The following GPR39 variants were observed in gnomAD, a reference collection of about 807,000 sequenced individuals.
GPR39 encodes the protein zinc sensing receptor.
In GPR39, 23 loss-of-function variants were observed where a neutral mutation model predicts 18.4. The observed-to-expected ratio is 1.25, with a 90% CI of 0.90 to 1.77. The LOEUF (loss-of-function observed/expected upper bound fraction) is 1.77. GPR39 is among the 40% of genes most tolerant of loss of function. The pLI is 0.00. For missense variants in GPR39, 647 were observed against 602.4 expected, an observed-to-expected ratio of 1.07 and a Z score of -0.78; for synonymous variants, 280 against 257.9, an observed-to-expected ratio of 1.09 and a Z score of -0.82.
chr2:132,645,079 C>T (rs1167711105), intron 1 of GPR39, 22 bp from the exon 2 acceptor site: 4 of 1,591,588 alleles, frequency 2.5e-6, no homozygotes, highest in Admixed American at 3.5e-5. Flanking sequence ...TCTGTCTCTC[C>T]CTCCTGCTCG....
chr2:132,639,295 G>A (rs1681818859), intron 1 of GPR39, among the ~76,000 whole-genome samples: 1 of 152,100 alleles, frequency 6.6e-6, no homozygotes, highest in Non-Finnish European at 1.5e-5. Context: ...GTGGGGAGGT[G>A]GAGATGTCTA....
chr2:132,542,502 CT>C (rs1558833384), intron 1 of GPR39, among the ~76,000 whole-genome samples: 1 of 152,158 alleles, frequency 6.6e-6, no homozygotes, highest in African/African-American at 2.4e-5. Flanking sequence ...TATTATGAGC[CT>C]GCTATGAAAA....
intron 1 of GPR39, among the ~76,000 whole-genome samples, chr2:132,486,686 AAG>A (rs1373257100): frequency 1.3e-5 from 2 of 152,240 alleles, no homozygotes; most frequent in African/African-American, 4.8e-5. Flanking sequence ...CATAGAATTA[AAG>A]AGAGTTAGAG....
chr2:132,490,383 C>G (rs1483695566), intron 1 of GPR39, among the ~76,000 whole-genome samples: 2 of 151,786 alleles, frequency 1.3e-5, no homozygotes, highest in African/African-American at 4.9e-5. Flanking sequence ...CCTGCTTGTC[C>G]TCGGAATTCT....
At chr2:132,522,435 A>G (rs1422009660) in intron 1 of GPR39, among the ~76,000 whole-genome samples, 1 of 152,254 alleles carries the variant, frequency 6.6e-6, no homozygotes, top group Non-Finnish European at 1.5e-5. Context: ...AGAACTGAAC[A>G]ATAACAAAAG....
chr2:132,429,548 G>A (rs1406110266), intron 1 of GPR39, among the ~76,000 whole-genome samples: 1 of 152,260 alleles, frequency 6.6e-6, no homozygotes, highest in African/African-American at 2.4e-5. Flanking sequence ...ACGTGCACTG[G>A]CATGAGAGTC....
chr2:132,646,361 A>C lies in GPR39; in HGVS notation c.*755A>C, dbSNP rs970415948. The C allele has an allele frequency of 1.0e-6, 1 of 964,016 alleles. No homozygotes were observed. Among genetic ancestry groups the C allele is most frequent in the East Asian group, 3.1e-5 (1 of 32,098 alleles). The allele number at this position is 964,016 out of a possible 1,614,324, so 59.7% of individuals were successfully genotyped here. On this transcript the variant is annotated 3_prime_UTR_variant, in exon 2 of 2. Coordinates refer to ENST00000329321, the MANE Select transcript of GPR39 (RefSeq NM_001508.3). ...TCCCTCTCAGCCCAAATCCAAACGG[A>C]CAGCTCTTCCTTACTCCTCCCACAG...
intron 1 of GPR39, chr2:132,418,581 C>T (rs1237153674): frequency 2.6e-5 from 4 of 152,116 alleles, no homozygotes; most frequent in Admixed American, 1.3e-4. Context: ...CTGGCTTCAC[C>T]GATTCCTAGG....
chr2:132,464,182 C>T (rs1335275306), intron 1 of GPR39, among the ~76,000 whole-genome samples: 4 of 152,180 alleles, frequency 2.6e-5, no homozygotes, highest in Non-Finnish European at 5.9e-5. Context: ...ATCACATGAG[C>T]TTATCCATGA....
chr2:132,458,903 T>C (rs897758976), intron 1 of GPR39, among the ~76,000 whole-genome samples: 4 of 152,206 alleles, frequency 2.6e-5, no homozygotes, highest in African/African-American at 9.6e-5. Flanking sequence ...AGACTTTTTT[T>C]CTGCATATAT....
chr2:132,518,764 A>C lies in GPR39; in HGVS notation c.856+100866A>C, dbSNP rs1679375664. On this transcript the variant is annotated intron_variant, in intron 1 of 1. Coordinates refer to ENST00000329321, the MANE Select transcript of GPR39 (RefSeq NM_001508.3). Reference sequence around the variant, plus strand: ...TAATATATTTTATTTAACTCAATGCAATGTATCCAAACTATTATTTCAATG... The same window carrying C: ...TAATATATTTTATTTAACTCAATGCCATGTATCCAAACTATTATTTCAATG... Among the ~76,000 whole-genome samples, 3 of 152,268 alleles carry C rather than the reference A, an allele frequency of 2.0e-5. No individual in the cohort carries two copies. The South Asian group carries it at 6.2e-4, about 31-fold the overall frequency.
intron 1 of GPR39, among the ~76,000 whole-genome samples, chr2:132,457,040 G>A (rs992243490): frequency 6.6e-6 from 1 of 152,186 alleles, no homozygotes; most frequent in Non-Finnish European, 1.5e-5. Flanking sequence ...TGCTAGGTTG[G>A]AGAAGTTCTC....
At position 132,547,011 on chromosome 2, in the gene GPR39, G is replaced by A. The variant is rs78836594; in HGVS notation, c.857-98090G>A. ...TTCAAGGGGGTATTTTCAAAAAGTG[G>A]TCCTTGGAGGAGCAAGATGCTGTGT... is the stretch of plus-strand genomic sequence containing the variant. On this transcript the variant is annotated intron_variant, in intron 1 of 1. Transcript: ENST00000329321. Among the ~76,000 whole-genome samples the A allele has an allele frequency of 1.9e-3, 291 of 152,162 alleles. 1 individual carries two copies. The highest frequency in any genetic ancestry group is 6.8e-3 in the African/African-American group (282 of 41,510).
At chr2:132,448,061 G>A (rs1317211009) in intron 1 of GPR39, among the ~76,000 whole-genome samples, 1 of 152,206 alleles carries the variant, frequency 6.6e-6, no homozygotes, top group African/African-American at 2.4e-5. Flanking sequence ...TGATAGAAAA[G>A]TTTAGAATTG....
intron 1 of GPR39, among the ~76,000 whole-genome samples, chr2:132,555,421 C>T (rs1680132702): frequency 6.6e-6 from 1 of 152,184 alleles, no homozygotes; most frequent in Non-Finnish European, 1.5e-5. Flanking sequence ...GGGCCGCAGT[C>T]ATCCAAAGGC....
At chr2:132,457,846 C>T (rs977518516) in intron 1 of GPR39, among the ~76,000 whole-genome samples, 2 of 152,246 alleles carry the variant, frequency 1.3e-5, no homozygotes, top group Admixed American at 1.3e-4. Flanking sequence ...GTGGTGGACA[C>T]CCCTCCCCTA....
intron 1 of GPR39, among the ~76,000 whole-genome samples, chr2:132,462,283 A>G (rs1478975272): frequency 6.6e-6 from 1 of 152,224 alleles, no homozygotes; most frequent in South Asian, 2.1e-4. Flanking sequence ...CAGGCCTTGT[A>G]GTATCAAGAG....
At chr2:132,520,016 A>C (rs1679394916) in intron 1 of GPR39, among the ~76,000 whole-genome samples, 1 of 152,130 alleles carries the variant, frequency 6.6e-6, no homozygotes, top group African/African-American at 2.4e-5. Flanking sequence ...AGTAGCCTAC[A>C]AGCTGTCCTG....
At chr2:132,598,015 A>G (rs925039174) in intron 1 of GPR39, among the ~76,000 whole-genome samples, 2 of 152,190 alleles carry the variant, frequency 1.3e-5, no homozygotes, top group African/African-American at 2.4e-5. Context: ...CAGCTAATCC[A>G]TCAGTAGCTG....
Sources: gnomAD v4.1 joint callset for allele counts (sites outside exome capture counted in the v4.1 genomes callset) on GRCh38, gnomAD v4.1.1 for gene constraint, MANE v1.5 for transcripts, NCBI Gene and HGNC (gene_info 2026-07-23, HGNC 2026-07-21) for gene names.